The following WDPCP variants were observed in gnomAD, a reference collection of about 807,000 sequenced individuals.
The protein encoded by WDPCP is WD repeat-containing and planar cell polarity effector protein fritz homolog.
Under a neutral mutation model 93.1 loss-of-function variants are expected in WDPCP, and 71 were observed. The observed-to-expected ratio is 0.76, with a 90% CI of 0.63 to 0.93. WDPCP has a LOEUF of 0.93. WDPCP is among the 40% of genes least tolerant of loss of function. The pLI is 0.00. For missense variants in WDPCP, 844 were observed against 887.4 expected (o/e 0.95, Z 0.62); for synonymous variants, 315 against 315.0 (o/e 1.00, Z 0.00).
At chr2:63,581,370 C>T (rs1379512004) in intron 1 of WDPCP, among the ~76,000 whole-genome samples, 1 of 152,148 alleles carries the variant, frequency 6.6e-6, no homozygotes, top group Non-Finnish European at 1.5e-5. Flanking sequence ...CTTGAGAATT[C>T]AGCTGAGTAC....
Position 63,214,027 on chromosome 2 carries a change from G to A in WDPCP, c.1916-39195C>T, listed in dbSNP as rs772071750. 8.5e-5 allele frequency among the ~76,000 whole-genome samples: 13 copies of A among 152,200 alleles called. No individual in the cohort carries two copies. In the South Asian group the frequency reaches 1.2e-3, roughly 15 times the overall value. On this transcript the variant is annotated intron_variant, in intron 14 of 17. Coordinates refer to ENST00000272321, the MANE Select transcript of WDPCP (RefSeq NM_015910.7). ...TCCAGGACCAGATGGATTCACAGCC[G>A]AATTCTACCTGAGGTACAAAGAGGA...
intron 14 of WDPCP, among the ~76,000 whole-genome samples, chr2:63,209,844 G>A (rs935322970): frequency 4.6e-5 from 7 of 152,068 alleles, no homozygotes; most frequent in South Asian, 4.1e-4. Flanking sequence ...GTCAGTCAAC[G>A]TATACTGACA....
chr2:63,385,543 G>A (rs1256484556), intron 10 of WDPCP, among the ~76,000 whole-genome samples: 1 of 151,980 alleles, frequency 6.6e-6, no homozygotes, highest in Non-Finnish European at 1.5e-5. Context: ...AATACTTAGG[G>A]ATAAATATAA....
chr2:63,407,095 A>C (rs1180444007), intron 9 of WDPCP, among the ~76,000 whole-genome samples: 1 of 152,184 alleles, frequency 6.6e-6, no homozygotes. Context: ...GAAGTAAAAT[A>C]AAGCAAAGTA....
chr2:63,335,295 T>C (rs1487517070), intron 12 of WDPCP, among the ~76,000 whole-genome samples: 2 of 152,186 alleles, frequency 1.3e-5, no homozygotes, highest in Non-Finnish European at 2.9e-5. Context: ...TTCCTGTGAA[T>C]CTGTATTCTT....
chr2:63,343,741 A>C (rs571803254), intron 12 of WDPCP, among the ~76,000 whole-genome samples: 36 of 152,230 alleles, frequency 2.4e-4, no homozygotes, highest in African/African-American at 8.7e-4. Flanking sequence ...GATCATTTCA[A>C]TTGTCCTATT....
Position 63,817,046 on chromosome 2 carries a change from C to T in WDPCP, n.223-3339G>A, listed in dbSNP as rs140469104. On this transcript the variant is annotated intron_variant and non_coding_transcript_variant, in intron 1 of 4. Coordinates refer to the WDPCP transcript ENST00000467687. ...GAAATATTCTATATCTTGATTAGGA[C>T]GGTGGGGTTACACAGGCGAATAGTT... is the stretch of plus-strand genomic sequence containing the variant. 2.1e-3 allele frequency among the ~76,000 whole-genome samples: 312 copies of T among 151,536 alleles called. 2 individuals are homozygous for T. The Middle Eastern group carries it at 0.038, about 18-fold the overall frequency.
intron 2 of WDPCP, among the ~76,000 whole-genome samples, chr2:63,748,877 G>C (rs1018159984): frequency 2.3e-4 from 35 of 152,020 alleles, no homozygotes; most frequent in Admixed American, 3.9e-4. Flanking sequence ...GGATACTATA[G>C]ATTAATTTGC....
chr2:63,486,624 A>G, intron 3 of WDPCP, 38 bp from the exon 4 acceptor site: 1 of 1,526,012 alleles, frequency 6.6e-7, no homozygotes, highest in Non-Finnish European at 8.9e-7. Context: ...GAAAAAAACA[A>G]AAGTAGAATT....
intron 3 of WDPCP, among the ~76,000 whole-genome samples, chr2:63,619,575 G>A (rs1483675148): frequency 1.3e-5 from 2 of 152,004 alleles, no homozygotes; most frequent in Non-Finnish European, 2.9e-5. Flanking sequence ...TAGATTGTAA[G>A]CACCTGAAAA....
intron 2 of WDPCP, among the ~76,000 whole-genome samples, chr2:63,669,080 G>A (rs537777831): frequency 2.0e-5 from 3 of 152,138 alleles, no homozygotes; most frequent in African/African-American, 7.2e-5. Context: ...GCTTAGGTCA[G>A]TAACACATCT....
At chr2:63,153,001 G>C in intron 16 of WDPCP, 56 bp from the exon 17 acceptor site, 1 of 1,519,246 alleles carries the variant, frequency 6.6e-7, no homozygotes, top group East Asian at 2.3e-5. Flanking sequence ...TGGACCTTAA[G>C]AAAATTTTTT....
At chr2:63,816,536 G>A (rs1246605339) in intron 1 of WDPCP, among the ~76,000 whole-genome samples, 1 of 152,158 alleles carries the variant, frequency 6.6e-6, no homozygotes, top group East Asian at 1.9e-4. Flanking sequence ...GAGTTATGCT[G>A]CCACAAACCA....
Position 63,513,124 on chromosome 2 carries a change from A to ACC in WDPCP, c.76-20185_76-20184insGG, listed in dbSNP as rs1314951663. ...AGGCCTGAGGCTTCTGAACTTACTT[A>ACC]AAGAAGACTTACACTTCTGGGGAAG... is the stretch of plus-strand genomic sequence containing the variant. On this transcript the variant is annotated intron_variant, in intron 1 of 17. Coordinates refer to ENST00000272321, the MANE Select transcript of WDPCP (RefSeq NM_015910.7). Among the ~76,000 whole-genome samples, 21 of 152,304 alleles carry ACC rather than the reference A, an allele frequency of 1.4e-4. No individual in the cohort carries two copies. The South Asian group carries it at 4.1e-3, about 30-fold the overall frequency.
At chr2:63,423,391 G>A (rs1696018960) in intron 9 of WDPCP, among the ~76,000 whole-genome samples, 1 of 152,132 alleles carries the variant, frequency 6.6e-6, no homozygotes, top group African/African-American at 2.4e-5. Flanking sequence ...TACATTAATA[G>A]TTGGTTACAT....
chr2:63,574,637 C>T (rs1575679223), intron 1 of WDPCP, among the ~76,000 whole-genome samples: 1 of 152,110 alleles, frequency 6.6e-6, no homozygotes, highest in African/African-American at 2.4e-5. Context: ...AATTACTCTA[C>T]TGAAGCTACT....
rs12622249 is a variant in WDPCP, at chr2:63,790,726, T to G, written n.308+22896A>C. Reference sequence around the variant, plus strand: ...GAAATAAAGGAAAGTCCTATTTCTGTACAGGACTTTTGAAATAAAACATCA... The same window carrying G: ...GAAATAAAGGAAAGTCCTATTTCTGGACAGGACTTTTGAAATAAAACATCA... On this transcript the variant is annotated intron_variant and non_coding_transcript_variant, in intron 2 of 4. Coordinates refer to the WDPCP transcript ENST00000467687. Among the ~76,000 whole-genome samples, 9 of 152,310 alleles carry G rather than the reference T, an allele frequency of 5.9e-5. No individual in the cohort carries two copies. In the East Asian group the frequency reaches 1.5e-3, roughly 26 times the overall value.
intron 9 of WDPCP, 119 bp downstream of exon 9, chr2:63,433,626 A>T: frequency 9.1e-7 from 1 of 1,096,674 alleles, no homozygotes; most frequent in African/African-American, 1.6e-5. Context: ...ATACTTTTTG[A>T]ATATTTGAAA....
chr2:63,373,897 T>A (rs949394524), intron 12 of WDPCP, among the ~76,000 whole-genome samples: 5 of 152,152 alleles, frequency 3.3e-5, no homozygotes, highest in African/African-American at 4.8e-5. Context: ...TTGAAAAGTA[T>A]AAGGACCTTA....
Sources: gnomAD v4.1 joint callset for allele counts (sites outside exome capture counted in the v4.1 genomes callset) on GRCh38, gnomAD v4.1.1 for gene constraint, MANE v1.5 for transcripts, NCBI Gene and HGNC (gene_info 2026-07-23, HGNC 2026-07-21) for gene names.